Variants in CSMD2 observed in about 807,000 individuals in gnomAD.
CSMD2 encodes CUB and sushi domain-containing protein 2.
CSMD2 carries 130 observed loss-of-function variants against 398.5 expected under a neutral mutation model. The observed-to-expected ratio is 0.33, with a 90% CI of 0.28 to 0.38. The LOEUF is 0.38. CSMD2 is among the 10% of genes least tolerant of loss of function. The pLI is 1.00. For missense variants in CSMD2, 3,829 were observed against 4,764.9 expected, an observed-to-expected ratio of 0.80 and a Z score of 5.78; for synonymous variants, 1,828 against 1,908.5, an observed-to-expected ratio of 0.96 and a Z score of 1.10.
At chr1:33,607,517 G>A (rs1640698754) in intron 41 of CSMD2, among the ~76,000 whole-genome samples, 1 of 152,220 alleles carries the variant, frequency 6.6e-6, no homozygotes, top group Admixed American at 6.5e-5. Context: ...GCGGAGGAAG[G>A]TGTAAACAGA....
chr1:34,016,041 GTGTA>G (rs944191048), intron 3 of CSMD2, among the ~76,000 whole-genome samples: 58 of 146,022 alleles, frequency 4.0e-4, no homozygotes, highest in Middle Eastern at 6.9e-3. Flanking sequence ...GTGTGTGTGT[GTGTA>G]TGTGTGTATT....
chr1:33,660,817 C>A (rs971029963), intron 26 of CSMD2, among the ~76,000 whole-genome samples: 1 of 152,228 alleles, frequency 6.6e-6, no homozygotes, highest in African/African-American at 2.4e-5. Context: ...TGAGCACCTG[C>A]TGCATACATA....
chr1:33,605,974 G>T, intron 41 of CSMD2: 1 of 1,613,466 alleles, frequency 6.2e-7, no homozygotes. Flanking sequence ...GAAATCTGGT[G>T]GGAGTAAGTC....
intron 65 of CSMD2, among the ~76,000 whole-genome samples, chr1:33,526,588 C>T (rs1462227700): frequency 6.6e-6 from 1 of 152,202 alleles, no homozygotes; most frequent in Non-Finnish European, 1.5e-5. Flanking sequence ...CTCTATTTTA[C>T]TGAAGCTTAA....
At chr1:33,988,387 C>CA (rs1428834096) in intron 3 of CSMD2, among the ~76,000 whole-genome samples, 1 of 152,190 alleles carries the variant, frequency 6.6e-6, no homozygotes. Context: ...CTCTGGCAAT[C>CA]AGTCTGTCCC....
At chr1:34,098,993 TA>T (rs1007471318) in intron 1 of CSMD2, among the ~76,000 whole-genome samples, 60 of 152,222 alleles carry the variant, frequency 3.9e-4, no homozygotes, top group Middle Eastern at 3.4e-3. Context: ...TACTAATACT[TA>T]GGGGGAAAAG....
intron 5 of CSMD2, among the ~76,000 whole-genome samples, chr1:33,866,841 C>A (rs977202961): frequency 6.6e-6 from 1 of 152,270 alleles, no homozygotes; most frequent in Non-Finnish European, 1.5e-5. Context: ...TCTCATTCCT[C>A]TGAGCCTCAT....
At chr1:33,769,250 T>C (rs1205778435) in intron 13 of CSMD2, among the ~76,000 whole-genome samples, 2 of 152,252 alleles carry the variant, frequency 1.3e-5, no homozygotes, top group Non-Finnish European at 2.9e-5. Flanking sequence ...AAAGAATATA[T>C]GCAGCCTGGC....
chr1:33,569,251 G>T, intron 52 of CSMD2, 123 bp downstream of exon 52: 1 of 1,061,974 alleles, frequency 9.4e-7, no homozygotes, highest in Non-Finnish European at 1.3e-6. Context: ...TTGGTGTTTG[G>T]ATTAAGCATT....
chr1:33,625,368 G>T, intron 33 of CSMD2, 114 bp from the exon 34 acceptor site: 1 of 1,017,638 alleles, frequency 9.8e-7, no homozygotes, highest in Non-Finnish European at 1.5e-6. Context: ...GGGAGGCTCT[G>T]GATGCTCTCC....
chr1:33,981,162 A>G (rs1646151570), intron 3 of CSMD2, among the ~76,000 whole-genome samples: 2 of 152,186 alleles, frequency 1.3e-5, no homozygotes, highest in African/African-American at 4.8e-5. Context: ...TCTGCTCCCC[A>G]GATGCAGCCT....
At chr1:33,662,792 TACATGG>T in intron 26 of CSMD2, 92 bp downstream of exon 26, 1 of 1,091,194 alleles carries the variant, frequency 9.2e-7, no homozygotes. Flanking sequence ...TAACTATCTT[TACATGG>T]ACTGAGGGAT....
chr1:33,845,639 A>C (rs965595065), intron 6 of CSMD2, among the ~76,000 whole-genome samples: 2 of 152,230 alleles, frequency 1.3e-5, no homozygotes, highest in Non-Finnish European at 2.9e-5. Context: ...AGTGGAAAAA[A>C]CATCTCCAAG....
Position 33,743,311 on chromosome 1 carries a change from T to C in CSMD2, c.2142A>G (p.Thr714=), listed in dbSNP as rs1401826469. Residue 714 remains threonine, a synonymous_variant, in exon 14 of 71, where the codon ACA becomes ACG. Coordinates refer to ENST00000373381, the MANE Select transcript of CSMD2 (RefSeq NM_001281956.2). ...ARLEFQTDHS[T]GKRGFNITFT... is the part of the protein sequence containing the mutation. ...AAGTGATGTTGAAGCCCCTCTTCCC[T>C]GTGGAGTGGTCAGTCTGGAACTCGA... The C allele has an allele frequency of 6.2e-7, 1 of 1,612,710 alleles. No homozygotes were observed. The highest frequency in any genetic ancestry group is 1.3e-5 in the African/African-American group (1 of 74,902).
At chr1:33,871,433 A>G (rs542155923) in intron 5 of CSMD2, among the ~76,000 whole-genome samples, 6 of 152,320 alleles carry the variant, frequency 3.9e-5, no homozygotes, top group African/African-American at 1.2e-4. Flanking sequence ...TCCATTTTCT[A>G]TTGCCTGTAA....
At chr1:33,911,833 G>A (rs1643461016) in intron 5 of CSMD2, among the ~76,000 whole-genome samples, 1 of 152,188 alleles carries the variant, frequency 6.6e-6, no homozygotes, top group Admixed American at 6.5e-5. Context: ...AGATGCCAGA[G>A]CCCCGGGGTG....
chr1:34,062,496 G>C (rs781722802), intron 2 of CSMD2, among the ~76,000 whole-genome samples: 1 of 152,226 alleles, frequency 6.6e-6, no homozygotes, highest in Non-Finnish European at 1.5e-5. Context: ...CGAGCTGGCA[G>C]TGAAGACAGG....
intron 3 of CSMD2, among the ~76,000 whole-genome samples, chr1:33,992,933 A>G (rs1646607827): frequency 1.3e-5 from 2 of 152,030 alleles, no homozygotes; most frequent in Admixed American, 1.3e-4. Flanking sequence ...TAGATCCACC[A>G]GGAAGAATGA....
At chr1:34,082,978 C>G (rs1403518071) in intron 2 of CSMD2, among the ~76,000 whole-genome samples, 1 of 151,828 alleles carries the variant, frequency 6.6e-6, no homozygotes, top group Non-Finnish European at 1.5e-5. Context: ...GACCTTTGTT[C>G]ACATGTTTAT....
Sources: allele counts gnomAD v4.1 joint callset (sites outside exome capture counted in the v4.1 genomes callset), GRCh38; gene constraint gnomAD v4.1.1; transcripts MANE v1.5; gene names NCBI Gene and HGNC (gene_info 2026-07-23, HGNC 2026-07-21).